LMOD1: variants seen among roughly 807,000 people sequenced by gnomAD.
The protein encoded by LMOD1 is leiomodin 1.
In LMOD1, 8 loss-of-function variants were observed where a neutral mutation model predicts 36.5. That is an observed-to-expected ratio of 0.22 (90% CI 0.13 to 0.40). LMOD1 has a LOEUF of 0.40. Ranked by LOEUF, LMOD1 falls within the 10% of genes least tolerant of loss-of-function variation. LMOD1 has a pLI of 1.00. For missense variants in LMOD1, 630 were observed against 751.1 expected (o/e 0.84, Z 1.88); for synonymous variants, 284 against 288.7 (o/e 0.98, Z 0.17).
At position 201,936,046 on chromosome 1, in the gene LMOD1, C is replaced by T. The variant is rs532850678; in HGVS notation, c.261+10034G>A. Reference sequence around the variant, plus strand: ...AGGAGAATCACTTGAACCCAGGAGGCGGAGGTTGCAGTGAGCCGAGATCAC... The same window carrying T: ...AGGAGAATCACTTGAACCCAGGAGGTGGAGGTTGCAGTGAGCCGAGATCAC... On this transcript the variant is annotated intron_variant, in intron 1 of 2. Coordinates refer to ENST00000367288, the MANE Select transcript of LMOD1 (RefSeq NM_012134.3). Among the ~76,000 whole-genome samples, 10 of 132,008 alleles carry T rather than the reference C, an allele frequency of 7.6e-5. No individual in the cohort carries two copies. The South Asian group carries it at 2.1e-3, about 27-fold the overall frequency. The allele number at this position is 132,008 out of a possible 152,430, so 86.6% of individuals were successfully genotyped here.
chr1:201,900,758 A>T lies in LMOD1; in HGVS notation c.262-7T>A. The T allele has an allele frequency of 6.4e-7, 1 of 1,571,172 alleles. No individual in the cohort carries two copies. Among genetic ancestry groups the T allele is most frequent in the Non-Finnish European group, 8.6e-7 (1 of 1,162,040 alleles). ...TCTCCACTTGCTTGCTTTCCTAAGA[A>T]TTCAGAAAAGAAAAATAATCATGAA... is the stretch of plus-strand genomic sequence containing the variant. On this transcript the variant is annotated splice_polypyrimidine_tract_variant and splice_region_variant and intron_variant, in intron 1 of 2. Transcript: ENST00000367288.
intron 1 of LMOD1, among the ~76,000 whole-genome samples, chr1:201,928,213 T>A (rs1681862001): frequency 2.0e-5 from 3 of 152,196 alleles, no homozygotes; most frequent in Admixed American, 2.0e-4. Context: ...GTCTGTAGTA[T>A]TTTTTTATAG....
intron 1 of LMOD1, among the ~76,000 whole-genome samples, chr1:201,905,809 A>G (rs1484638076): frequency 6.6e-6 from 1 of 152,226 alleles, no homozygotes; most frequent in African/African-American, 2.4e-5. Context: ...GTGCTTGCAG[A>G]GGTCACTTTC....
At chr1:201,923,695 C>T (rs2102921587) in intron 1 of LMOD1, among the ~76,000 whole-genome samples, 1 of 152,170 alleles carries the variant, frequency 6.6e-6, no homozygotes, top group East Asian at 1.9e-4. Context: ...AAAACCCCAT[C>T]TCTACTAAAA....
Position 201,900,209 on chromosome 1 carries a change from A to G in LMOD1, c.804T>C (p.Asp268=). The G allele has an allele frequency of 1.2e-6, 2 of 1,613,050 alleles. No homozygotes were observed. The highest frequency in any genetic ancestry group is 1.7e-6 in the Non-Finnish European group (2 of 1,179,640). ...GTGNTDTKKD[D]EKVKKNEPLH... is the part of the protein sequence containing the mutation. ...AGGGTTCATTCTTCTTGACTTTTTC[A>G]TCGTCCTTTTTGGTGTCTGTGTTCC... is the stretch of plus-strand genomic sequence containing the variant. The change falls in exon 2 of 3, where the codon GAT becomes GAC. Residue 268 remains aspartate, a synonymous_variant. Transcript: ENST00000367288.
chr1:201,938,767 C>T (rs1457646566), intron 1 of LMOD1, among the ~76,000 whole-genome samples: 1 of 152,176 alleles, frequency 6.6e-6, no homozygotes, highest in Non-Finnish European at 1.5e-5. Flanking sequence ...ACAGGAGGTG[C>T]TTCTATTCCT....
chr1:201,929,086 T>C (rs531891140), intron 1 of LMOD1, among the ~76,000 whole-genome samples: 2 of 143,888 alleles, frequency 1.4e-5, no homozygotes, highest in Non-Finnish European at 1.5e-5. Context: ...TGGACTTTAT[T>C]TATTTGTTTA....
intron 1 of LMOD1, among the ~76,000 whole-genome samples, chr1:201,941,936 G>C (rs1285013293): frequency 6.6e-6 from 1 of 152,192 alleles, no homozygotes; most frequent in Non-Finnish European, 1.5e-5. Flanking sequence ...ACTTGGGAAG[G>C]AAAGAGGACA....
chr1:201,910,274 AT>A (rs4025032), intron 1 of LMOD1, among the ~76,000 whole-genome samples: 35,667 of 135,672 alleles, frequency 0.26, 4,270 homozygotes, highest in Non-Finnish European at 0.29. Context: ...TCCTATACGC[AT>A]TTTTTTTTTT....
chr1:201,915,560 G>T (rs907803935), intron 1 of LMOD1, among the ~76,000 whole-genome samples: 6 of 152,066 alleles, frequency 3.9e-5, no homozygotes, highest in Non-Finnish European at 7.4e-5. Context: ...GAACCCGGCT[G>T]GGAAGAGGAA....
chr1:201,901,697 T>TAC (rs1467329827), intron 1 of LMOD1, among the ~76,000 whole-genome samples: 1 of 135,606 alleles, frequency 7.4e-6, no homozygotes, highest in Non-Finnish European at 1.6e-5. Flanking sequence ...TGTGTATATA[T>TAC]ATATATATGT....
At chr1:201,936,772 G>C (rs896583242) in intron 1 of LMOD1, among the ~76,000 whole-genome samples, 2 of 151,698 alleles carry the variant, frequency 1.3e-5, no homozygotes, top group African/African-American at 4.8e-5. Context: ...CCCCCTCCCT[G>C]CTGAAAAATA....
At chr1:201,914,719 C>A (rs1681571086) in intron 1 of LMOD1, among the ~76,000 whole-genome samples, 1 of 151,898 alleles carries the variant, frequency 6.6e-6, no homozygotes, top group South Asian at 2.1e-4. Context: ...GCTCATCTTT[C>A]ACCTTCCCTC....
intron 1 of LMOD1, among the ~76,000 whole-genome samples, chr1:201,937,524 G>C (rs536463665): frequency 6.6e-6 from 1 of 152,212 alleles, no homozygotes; most frequent in South Asian, 2.1e-4. Context: ...AGCACTTTGG[G>C]AGATTGAGGT....
At chr1:201,927,588 C>CAAAAAAAAAAAAAAAAA (rs72255474) in intron 1 of LMOD1, among the ~76,000 whole-genome samples, 1 of 137,910 alleles carries the variant, frequency 7.3e-6, no homozygotes, top group Non-Finnish European at 1.6e-5. Context: ...ACAAAAAAAA[C>CAAAAAAAAAAAAAAAAA]AAAAAAAAAA....
At chr1:201,929,231 T>C (rs892258623) in intron 1 of LMOD1, among the ~76,000 whole-genome samples, 1 of 152,024 alleles carries the variant, frequency 6.6e-6, no homozygotes, top group Non-Finnish European at 1.5e-5. Context: ...GCCTCCCAAG[T>C]AACTGGGATT....
At chr1:201,942,764 C>T (rs929216942) in intron 1 of LMOD1, among the ~76,000 whole-genome samples, 4 of 151,888 alleles carry the variant, frequency 2.6e-5, no homozygotes, top group African/African-American at 9.7e-5. Context: ...GTAGACCCAT[C>T]ACCCAGCTTC....
At position 201,946,374 on chromosome 1, in the gene LMOD1, TCA is replaced by T; in HGVS notation, c.-36_-35del. 1.2e-6 allele frequency: 2 copies of T among 1,605,608 alleles called. No homozygotes were observed. Among genetic ancestry groups the T allele is most frequent in the South Asian group, 1.1e-5 (1 of 89,640 alleles). On this transcript the variant is annotated 5_prime_UTR_variant, in exon 1 of 3. Transcript: ENST00000367288. ...AATGGGCTGTGGCTGCCAGGGGCTA[TCA>T]GAGTCCTGGTGGGCAGGGAAGGGAG...
chr1:201,935,622 T>C (rs1305767690), intron 1 of LMOD1, among the ~76,000 whole-genome samples: 1 of 151,982 alleles, frequency 6.6e-6, no homozygotes, highest in Admixed American at 6.6e-5. Context: ...AGTGGCATGA[T>C]CTTGGCTCAC....
Sources: gnomAD v4.1 joint callset for allele counts (sites outside exome capture counted in the v4.1 genomes callset) on GRCh38, gnomAD v4.1.1 for gene constraint, MANE v1.5 for transcripts, NCBI Gene and HGNC (gene_info 2026-07-23, HGNC 2026-07-21) for gene names.